PTPRZ1: variants seen among roughly 807,000 people sequenced by gnomAD.
PTPRZ1 encodes receptor-type tyrosine-protein phosphatase zeta.
In PTPRZ1, 82 loss-of-function variants were observed where a neutral mutation model predicts 214.1. The observed-to-expected ratio is 0.38, with a 90% CI of 0.32 to 0.46. PTPRZ1 has a LOEUF of 0.46. Ranked by LOEUF, PTPRZ1 falls within the 20% of genes least tolerant of loss-of-function variation. PTPRZ1 has a pLI of 1.00. For synonymous variants in PTPRZ1, 945 were observed against 987.9 expected, an observed-to-expected ratio of 0.96 and a Z score of 0.81; for missense variants, 2,603 against 2,748.7, an observed-to-expected ratio of 0.95 and a Z score of 1.19.
intron 1 of PTPRZ1, among the ~76,000 whole-genome samples, chr7:121,920,934 G>T (rs1199565152): frequency 6.6e-6 from 1 of 152,010 alleles, no homozygotes; most frequent in Non-Finnish European, 1.5e-5. Context: ...CAGTGTCATT[G>T]AATTTAAGTA....
At chr7:121,935,433 G>C (rs1327147635) in intron 2 of PTPRZ1, among the ~76,000 whole-genome samples, 1 of 152,106 alleles carries the variant, frequency 6.6e-6, no homozygotes, top group Non-Finnish European at 1.5e-5. Context: ...TCTGGGCTTT[G>C]TGTAGGACGC....
At chr7:122,019,950 A>G (rs1157317467) in intron 13 of PTPRZ1, among the ~76,000 whole-genome samples, 1 of 152,218 alleles carries the variant, frequency 6.6e-6, no homozygotes, top group African/African-American at 2.4e-5. Context: ...ATAGGTCAGT[A>G]TAACTGTGTC....
chr7:121,930,586 A>G (rs928647397), intron 2 of PTPRZ1, among the ~76,000 whole-genome samples: 1 of 152,094 alleles, frequency 6.6e-6, no homozygotes, highest in Non-Finnish European at 1.5e-5. Context: ...TTTCACTAAC[A>G]CTGACTCTAA....
intron 20 of PTPRZ1, 77 bp downstream of exon 20, chr7:122,039,665 C>T (rs1310924723): frequency 6.6e-7 from 1 of 1,522,752 alleles, no homozygotes. Context: ...GCGATAGAAC[C>T]AAGAAAGGGT....
At chr7:122,026,357 G>A (rs901923850) in intron 13 of PTPRZ1, among the ~76,000 whole-genome samples, 3 of 152,186 alleles carry the variant, frequency 2.0e-5, no homozygotes, top group Admixed American at 2.0e-4. Context: ...TCACCAGCTT[G>A]TATAACTGTA....
chr7:121,974,263 A>G (rs1372613716), intron 4 of PTPRZ1, among the ~76,000 whole-genome samples: 1 of 152,160 alleles, frequency 6.6e-6, no homozygotes, highest in Non-Finnish European at 1.5e-5. Flanking sequence ...TTGCTTTGTC[A>G]AAGTAGTCAA....
chr7:121,890,665 A>T (rs552093233), intron 1 of PTPRZ1, among the ~76,000 whole-genome samples: 58 of 152,000 alleles, frequency 3.8e-4, no homozygotes, highest in African/African-American at 1.1e-3. Context: ...TTATTTTTTT[A>T]AAAAATTACT....
chr7:121,984,242 C>A, intron 8 of PTPRZ1, 125 bp downstream of exon 8: 1 of 844,626 alleles, frequency 1.2e-6, no homozygotes, highest in Non-Finnish European at 1.7e-6. Flanking sequence ...AATTTTGTAG[C>A]TTTAGATAAG....
At chr7:121,896,450 C>T (rs912614488) in intron 1 of PTPRZ1, among the ~76,000 whole-genome samples, 1 of 152,100 alleles carries the variant, frequency 6.6e-6, no homozygotes, top group Non-Finnish European at 1.5e-5. Context: ...ACCTAAATGT[C>T]CATTAATGGA....
At chr7:121,997,453 G>C (rs59180909) in intron 9 of PTPRZ1, among the ~76,000 whole-genome samples, 4 of 151,786 alleles carry the variant, frequency 2.6e-5, no homozygotes, top group Non-Finnish European at 4.4e-5. Context: ...TCATAATTAC[G>C]TGAAGAAGAT....
chr7:122,002,445 T>A (rs1798359592), intron 10 of PTPRZ1, among the ~76,000 whole-genome samples: 1 of 152,126 alleles, frequency 6.6e-6, no homozygotes, highest in Non-Finnish European at 1.5e-5. Context: ...TAAACAGCAA[T>A]CCAATTATAA....
At chr7:122,008,482 A>C (rs1798556192) in intron 11 of PTPRZ1, among the ~76,000 whole-genome samples, 1 of 152,158 alleles carries the variant, frequency 6.6e-6, no homozygotes, top group Admixed American at 6.6e-5. Flanking sequence ...GATCTAAAAC[A>C]CAGAAGTGCG....
At chr7:121,997,345 G>A (rs201125137) in intron 9 of PTPRZ1, among the ~76,000 whole-genome samples, 1 of 152,056 alleles carries the variant, frequency 6.6e-6, no homozygotes, top group African/African-American at 2.4e-5. Flanking sequence ...TGGACAAAAT[G>A]GATAAAATTT....
chr7:122,025,319 T>TC (rs1163734884), intron 13 of PTPRZ1, among the ~76,000 whole-genome samples: 1 of 150,784 alleles, frequency 6.6e-6, no homozygotes, highest in African/African-American at 2.4e-5. Flanking sequence ...AACAGTCTTT[T>TC]CTTTTTTTTT....
At chr7:122,006,620 AC>A (rs1798493659) in intron 11 of PTPRZ1, among the ~76,000 whole-genome samples, 1 of 152,072 alleles carries the variant, frequency 6.6e-6, no homozygotes, top group Non-Finnish European at 1.5e-5. Flanking sequence ...CTTGCCATGT[AC>A]ATATATGACA....
chr7:121,890,786 C>T lies in PTPRZ1; in HGVS notation c.58+17229C>T, dbSNP rs983026675. 6.6e-5 allele frequency among the ~76,000 whole-genome samples: 10 copies of T among 152,174 alleles called. No homozygotes were observed. The South Asian group carries it at 8.3e-4, about 13-fold the overall frequency. ...CTAAGCTGAAGCAATCCTCCTACCTCGGCCTCCTGAGTAACTGGGACTACA... is the reference window on the plus strand; with the variant it reads ...CTAAGCTGAAGCAATCCTCCTACCTTGGCCTCCTGAGTAACTGGGACTACA... On this transcript the variant is annotated intron_variant, in intron 1 of 29. Coordinates refer to ENST00000393386, the MANE Select transcript of PTPRZ1 (RefSeq NM_002851.3).
intron 1 of PTPRZ1, among the ~76,000 whole-genome samples, chr7:121,888,331 CT>C (rs1420308901): frequency 6.6e-6 from 1 of 151,366 alleles, no homozygotes; most frequent in Non-Finnish European, 1.5e-5. Context: ...CAGTAAGGGA[CT>C]GTGAAAAAAA....
At chr7:121,902,006 G>A (rs546817601) in intron 1 of PTPRZ1, among the ~76,000 whole-genome samples, 31 of 152,112 alleles carry the variant, frequency 2.0e-4, no homozygotes, top group African/African-American at 6.5e-4. Flanking sequence ...CTCCATTCCC[G>A]ACTGTCCCCG....
intron 1 of PTPRZ1, among the ~76,000 whole-genome samples, chr7:121,881,695 C>T (rs1406020619): frequency 2.0e-5 from 3 of 152,136 alleles, no homozygotes; most frequent in African/African-American, 7.2e-5. Flanking sequence ...GGAGTATGCT[C>T]TATGGTGATT....
Sources: gnomAD v4.1 joint callset for allele counts (sites outside exome capture counted in the v4.1 genomes callset) on GRCh38, gnomAD v4.1.1 for gene constraint, MANE v1.5 for transcripts, NCBI Gene and HGNC (gene_info 2026-07-23, HGNC 2026-07-21) for gene names.